Variants in SLC4A8 observed in about 807,000 individuals in gnomAD.
SLC4A8 encodes electroneutral sodium bicarbonate exchanger 1.
A neutral mutation model predicts 125.0 loss-of-function variants in SLC4A8; 40 were observed. The observed-to-expected ratio is 0.32, with a 90% CI of 0.25 to 0.42. SLC4A8 has a LOEUF of 0.42. Among genes scored for constraint, SLC4A8 ranks in the 10% least tolerant of loss-of-function variants. SLC4A8 has a pLI of 1.00. For missense variants in SLC4A8, 863 were observed against 1,355.1 expected (o/e 0.64, Z 5.70); for synonymous variants, 456 against 476.0 (o/e 0.96, Z 0.55).
intron 10 of SLC4A8, among the ~76,000 whole-genome samples, 198 bp from the exon 11 acceptor site, chr12:51,463,416 T>G (rs1221974542): frequency 7.3e-6 from 1 of 136,278 alleles, no homozygotes; most frequent in African/African-American, 2.6e-5. Flanking sequence ...ATGGGGTGTG[T>G]GTGTGTGTGT....
rs544933605 is a variant in SLC4A8, at chr12:51,416,082, C to T, written c.-112+24594C>T. 2.6e-5 allele frequency among the ~76,000 whole-genome samples: 4 copies of T among 151,732 alleles called. No individual in the cohort carries two copies. In the South Asian group the frequency reaches 6.2e-4, roughly 24 times the overall value. On this transcript the variant is annotated intron_variant, in intron 1 of 24. Transcript: ENST00000358657. ...TTTATCTTTCAAACTTTCTGAGTTACCTTGCTTTAGCCATGATTCATAGGC... is the reference window on the plus strand; with the variant it reads ...TTTATCTTTCAAACTTTCTGAGTTATCTTGCTTTAGCCATGATTCATAGGC...
At chr12:51,463,081 G>T (rs375011763) in intron 10 of SLC4A8, among the ~76,000 whole-genome samples, 3 of 152,012 alleles carry the variant, frequency 2.0e-5, no homozygotes, top group Non-Finnish European at 4.4e-5. Context: ...AAGTTGTATA[G>T]AGAGAGCAGA....
At chr12:51,406,404 A>G (rs368118322) in intron 1 of SLC4A8, among the ~76,000 whole-genome samples, 20 of 152,262 alleles carry the variant, frequency 1.3e-4, no homozygotes, top group African/African-American at 4.3e-4. Flanking sequence ...GACAAGAAAG[A>G]CCTGGTCCCT....
At chr12:51,463,566 G>A (rs554803359) in intron 10 of SLC4A8, 48 bp from the exon 11 acceptor site, 18 of 1,442,000 alleles carry the variant, frequency 1.2e-5, no homozygotes, top group Middle Eastern at 1.8e-4. Flanking sequence ...ATAGCAGGAC[G>A]AAAAGATAGA....
chr12:51,434,038 C>A (rs757218001), intron 1 of SLC4A8, among the ~76,000 whole-genome samples: 2 of 151,960 alleles, frequency 1.3e-5, no homozygotes, highest in Non-Finnish European at 2.9e-5. Flanking sequence ...CCACACCCAG[C>A]TAATTTTTGA....
At chr12:51,395,297 G>T (rs1171774493) in intron 1 of SLC4A8, among the ~76,000 whole-genome samples, 1 of 151,930 alleles carries the variant, frequency 6.6e-6, no homozygotes, top group Non-Finnish European at 1.5e-5. Flanking sequence ...TAACTGCAAA[G>T]ACCCAGGATG....
intron 19 of SLC4A8, among the ~76,000 whole-genome samples, chr12:51,491,403 C>G (rs1951313639): frequency 6.6e-6 from 1 of 151,946 alleles, no homozygotes; most frequent in Non-Finnish European, 1.5e-5. Context: ...AAGGAGCTGC[C>G]AGAGAGGTGG....
At chr12:51,453,445 C>A in intron 4 of SLC4A8, 94 bp from the exon 5 acceptor site, 1 of 1,266,064 alleles carries the variant, frequency 7.9e-7, no homozygotes, top group Non-Finnish European at 1.1e-6. Flanking sequence ...GTATGACTAT[C>A]CAGATATCTT....
intron 1 of SLC4A8, among the ~76,000 whole-genome samples, chr12:51,400,774 A>T (rs1280939922): frequency 2.0e-4 from 1 of 5,124 alleles, no homozygotes; most frequent in Middle Eastern, 0.1. Flanking sequence ...ATATATATAT[A>T]TATACATACA....
chr12:51,499,521 A>C (rs748891699), intron 22 of SLC4A8, among the ~76,000 whole-genome samples: 62 of 152,096 alleles, frequency 4.1e-4, no homozygotes, highest in Non-Finnish European at 8.4e-4. Context: ...CAGGACACAG[A>C]CAGTCCCTGA....
upstream of SLC4A8, chr12:51,424,828 C>T (rs1460479972): frequency 4.2e-6 from 3 of 714,012 alleles, no homozygotes; most frequent in East Asian, 3.2e-5. Flanking sequence ...CGGCGGATGC[C>T]TCGCGGGCCG....
At chr12:51,400,812 ATATATGTTTATATACG>A (rs1190817063) in intron 1 of SLC4A8, among the ~76,000 whole-genome samples, 7 of 123,890 alleles carry the variant, frequency 5.7e-5, no homozygotes, top group Non-Finnish European at 8.4e-5. Context: ...ATATATAAAC[ATATATGTTTATATACG>A]TATATAAACA....
At chr12:51,480,686 GGGAATTTTCTTTTAAA>G (rs1258968711) in intron 16 of SLC4A8, 1 of 960,268 alleles carries the variant, frequency 1.0e-6, no homozygotes, top group Admixed American at 6.2e-5. Context: ...GGCTCAGATT[GGGAATTTTCTTTTAAA>G]GGAAAAAAAT....
chr12:51,436,847 G>A (rs994732202), intron 1 of SLC4A8, among the ~76,000 whole-genome samples: 2 of 152,022 alleles, frequency 1.3e-5, no homozygotes, highest in South Asian at 2.1e-4. Flanking sequence ...GGCTGGTCTC[G>A]AACTCCTGAC....
intron 9 of SLC4A8, 21 bp downstream of exon 9, chr12:51,461,312 A>G: frequency 7.5e-7 from 1 of 1,340,354 alleles, no homozygotes; most frequent in Non-Finnish European, 1.1e-6. Context: ...CTTTTGCTTC[A>G]GTCTTCCATC....
intron 24 of SLC4A8, among the ~76,000 whole-genome samples, 154 bp from the exon 25 acceptor site, chr12:51,507,272 G>A (rs7305515): frequency 0.013 from 1,948 of 152,292 alleles, 42 homozygotes; most frequent in African/African-American, 0.044. Flanking sequence ...AATGTATAAC[G>A]CACATGGTTA....
At chr12:51,484,577 T>G (rs1951115445) in intron 16 of SLC4A8, among the ~76,000 whole-genome samples, 1 of 152,152 alleles carries the variant, frequency 6.6e-6, no homozygotes, top group Non-Finnish European at 1.5e-5. Flanking sequence ...GAGGAGGAAC[T>G]GGAAACCTTG....
At chr12:51,404,150 A>G (rs1221599218) in intron 1 of SLC4A8, among the ~76,000 whole-genome samples, 1 of 152,190 alleles carries the variant, frequency 6.6e-6, no homozygotes, top group African/African-American at 2.4e-5. Flanking sequence ...AGACGCAAAT[A>G]GGACATCGGG....
At chr12:51,486,026 C>T (rs1250311910) in intron 17 of SLC4A8, 126 bp downstream of exon 17, 9 of 558,898 alleles carry the variant, frequency 1.6e-5, no homozygotes, top group East Asian at 5.6e-5. Context: ...GAACCTTGCT[C>T]CTCATACCTT....
Sources: allele counts gnomAD v4.1 joint callset (sites outside exome capture counted in the v4.1 genomes callset), GRCh38; gene constraint gnomAD v4.1.1; transcripts MANE v1.5; gene names NCBI Gene and HGNC (gene_info 2026-07-23, HGNC 2026-07-21).